FRYL: variants seen among roughly 807,000 people sequenced by gnomAD.
FRYL encodes the protein protein furry homolog-like.
FRYL carries 150 observed loss-of-function variants against 351.2 expected under a neutral mutation model. The ratio of observed to expected loss-of-function variants is 0.43; its 90% CI spans 0.37 to 0.49. FRYL has a LOEUF of 0.49. FRYL is among the 20% of genes least tolerant of loss of function. The pLI, the probability that FRYL is intolerant of heterozygous loss-of-function variation, is 0.00. For synonymous variants in FRYL, 1,153 were observed against 1,257.1 expected (o/e 0.92, Z 1.75); for missense variants, 3,036 against 3,619.3 (o/e 0.84, Z 4.13).
chr4:48,602,719 G>GA (rs1298624565), intron 12 of FRYL, among the ~76,000 whole-genome samples: 1 of 152,036 alleles, frequency 6.6e-6, no homozygotes, highest in Non-Finnish European at 1.5e-5. Flanking sequence ...TAGACAGGTA[G>GA]AAAAAAATGC....
chr4:48,605,831 T>C lies in FRYL; in HGVS notation c.744A>G (p.Glu248=). 1 of 1,554,536 alleles carries C rather than the reference T, an allele frequency of 6.4e-7. No individual in the cohort carries two copies. ...DFEASFQFMQ[E]CAQYFLEVKD... Reference sequence around the variant, plus strand: ...TCACTTCTAAGAAATACTGAGCACATTCCTTAAAGGGAAAGAGGTATATAC... The same window carrying C: ...TCACTTCTAAGAAATACTGAGCACACTCCTTAAAGGGAAAGAGGTATATAC... Residue 248 remains glutamate, a splice_region_variant and synonymous_variant, in exon 11 of 64, where the codon GAA becomes GAG. Coordinates refer to ENST00000358350, the MANE Select transcript of FRYL (RefSeq NM_015030.2).
Position 48,546,047 on chromosome 4 carries a change from A to AT in FRYL, c.5279+19dup, listed in dbSNP as rs760457918. On this transcript the variant is annotated intron_variant, in intron 42 of 63. Coordinates refer to ENST00000358350, the MANE Select transcript of FRYL (RefSeq NM_015030.2). ...ACTTAACACATACACTGCTGGGATG[A>AT]TAAGAGCTGCCAGTGTTACCTTGAG... 1.2e-6 allele frequency: 2 copies of AT among 1,603,380 alleles called. No individual in the cohort carries two copies. Among genetic ancestry groups the AT allele is most frequent in the East Asian group, 4.5e-5 (2 of 44,744 alleles).
rs994159968 is a variant in FRYL at position 48,593,435 on chromosome 4, C to T, written c.1335+495G>A. Among the ~76,000 whole-genome samples the T allele has an allele frequency of 2.0e-5, 3 of 152,202 alleles. No homozygotes were observed. In the South Asian group the frequency reaches 6.2e-4, roughly 32 times the overall value. On this transcript the variant is annotated intron_variant, in intron 16 of 63. Coordinates refer to ENST00000358350, the MANE Select transcript of FRYL (RefSeq NM_015030.2). The stretch of plus-strand genomic sequence containing the variant: ...TCTCGACTCACCGCAACCTCTGCCT[C>T]CCAGGTTCAAGCGATTCTCCTGCCT...
intron 3 of FRYL, among the ~76,000 whole-genome samples, 158 bp from the exon 4 acceptor site, chr4:48,634,648 A>AT: frequency 6.6e-6 from 1 of 152,254 alleles, no homozygotes; most frequent in Middle Eastern, 3.4e-3. Flanking sequence ...ACATACTAAC[A>AT]TATTTATAAT....
At chr4:48,692,054 G>T (rs1287016154) in intron 2 of FRYL, among the ~76,000 whole-genome samples, 1 of 152,158 alleles carries the variant, frequency 6.6e-6, no homozygotes, top group Non-Finnish European at 1.5e-5. Context: ...TTCATAAATA[G>T]TAGATGGGGA....
At chr4:48,504,975 T>TC (rs1479034241) in intron 60 of FRYL, among the ~76,000 whole-genome samples, 1 of 152,164 alleles carries the variant, frequency 6.6e-6, no homozygotes, top group Non-Finnish European at 1.5e-5. Flanking sequence ...GAATGTATTT[T>TC]CCCCTGTGAA....
At chr4:48,759,865 A>T (rs1422578684) in intron 1 of FRYL, among the ~76,000 whole-genome samples, 3 of 152,138 alleles carry the variant, frequency 2.0e-5, no homozygotes, top group Admixed American at 6.5e-5. Flanking sequence ...AGCAACTTCA[A>T]TTCCATCTGG....
intron 15 of FRYL, among the ~76,000 whole-genome samples, chr4:48,594,713 A>G (rs1451107747): frequency 3.9e-5 from 6 of 152,232 alleles, no homozygotes; most frequent in Non-Finnish European, 8.8e-5. Context: ...ATTATGGATC[A>G]TCTAGATTGT....
chr4:48,527,674 A>G lies in FRYL; in HGVS notation c.7141-21T>C. On this transcript the variant is annotated intron_variant, in intron 52 of 63. Coordinates refer to ENST00000358350, the MANE Select transcript of FRYL (RefSeq NM_015030.2). ...ACAACCTGATGCCCGATTAAAAAAA[A>G]AAAAAAAGTCCATCCATCAGATTTG... is the stretch of plus-strand genomic sequence containing the variant. 3.2e-6 allele frequency: 5 copies of G among 1,582,546 alleles called. No homozygotes were observed. The South Asian group carries it at 5.8e-5, about 18-fold the overall frequency.
chr4:48,520,479 T>G (rs1482870022), intron 55 of FRYL: 1 of 152,204 alleles, frequency 6.6e-6, no homozygotes, highest in Non-Finnish European at 1.5e-5. Flanking sequence ...AGCAATTACA[T>G]TTTTAAAAAG....
chr4:48,694,903 C>T (rs1160264931), intron 2 of FRYL, among the ~76,000 whole-genome samples: 1 of 152,020 alleles, frequency 6.6e-6, no homozygotes, highest in Non-Finnish European at 1.5e-5. Flanking sequence ...GAAACCTCAT[C>T]TCTAGTAAAA....
intron 1 of FRYL, among the ~76,000 whole-genome samples, chr4:48,750,176 A>G (rs1193479444): frequency 6.6e-6 from 1 of 150,630 alleles, no homozygotes; most frequent in African/African-American, 2.4e-5. Flanking sequence ...AAAAAAAGGA[A>G]GAGGCTGGGC....
At chr4:48,681,032 T>A (rs1193640775) in intron 3 of FRYL, 5 of 1,286,824 alleles carry the variant, frequency 3.9e-6, no homozygotes, top group Non-Finnish European at 5.1e-6. Context: ...AGACGTTTCA[T>A]CTTAACTAAT....
At chr4:48,605,226 C>CA (rs1190449369) in intron 11 of FRYL, among the ~76,000 whole-genome samples, 1 of 152,144 alleles carries the variant, frequency 6.6e-6, no homozygotes, top group Non-Finnish European at 1.5e-5. Context: ...TTTTAAAAAA[C>CA]ACGTCAATCA....
At chr4:48,520,027 G>A (rs1417650682) in intron 55 of FRYL, among the ~76,000 whole-genome samples, 3 of 152,166 alleles carry the variant, frequency 2.0e-5, no homozygotes, top group African/African-American at 4.8e-5. Flanking sequence ...CACAGTGCCC[G>A]GCCTGAAATG....
chr4:48,598,001 C>A (rs1744946591), intron 13 of FRYL, among the ~76,000 whole-genome samples: 1 of 152,078 alleles, frequency 6.6e-6, no homozygotes, highest in Non-Finnish European at 1.5e-5. Flanking sequence ...TAATATAAAA[C>A]AAAATTTTGG....
At chr4:48,592,748 T>C (rs947708100) in intron 16 of FRYL, among the ~76,000 whole-genome samples, 9 of 152,194 alleles carry the variant, frequency 5.9e-5, no homozygotes, top group Non-Finnish European at 4.4e-5. Flanking sequence ...AAGTTAAGTA[T>C]GTCAGCTATA....
intron 34 of FRYL, 136 bp downstream of exon 34, chr4:48,557,317 A>T: frequency 8.0e-7 from 1 of 1,252,656 alleles, no homozygotes. Context: ...AAAAAAATTC[A>T]TATCTAATGA....
intron 3 of FRYL, among the ~76,000 whole-genome samples, chr4:48,683,791 C>G (rs1021701789): frequency 2.6e-5 from 4 of 152,196 alleles, no homozygotes; most frequent in Non-Finnish European, 5.9e-5. Flanking sequence ...CTATTCCCCA[C>G]AAACAGAAAA....
Sources: gnomAD v4.1 joint callset for allele counts (sites outside exome capture counted in the v4.1 genomes callset) on GRCh38, gnomAD v4.1.1 for gene constraint, MANE v1.5 for transcripts, NCBI Gene and HGNC (gene_info 2026-07-23, HGNC 2026-07-21) for gene names.